TXNDC16: variants seen among roughly 807,000 people sequenced by gnomAD.
The protein encoded by TXNDC16 is thioredoxin domain-containing protein 16.
TXNDC16 carries 74 observed loss-of-function variants against 85.6 expected under a neutral mutation model. The observed-to-expected ratio is 0.86, with a 90% confidence interval of 0.72 to 1.05. The LOEUF is 1.05. TXNDC16 is among the 50% of genes least tolerant of loss of function. The pLI is 0.00. For missense variants in TXNDC16, 959 were observed against 947.0 expected, an observed-to-expected ratio of 1.01 and a Z score of -0.17; for synonymous variants, 335 against 326.5, an observed-to-expected ratio of 1.03 and a Z score of -0.28.
intron 18 of TXNDC16, among the ~76,000 whole-genome samples, chr14:52,442,902 G>T (rs954263547): frequency 6.6e-6 from 1 of 152,188 alleles, no homozygotes. Flanking sequence ...CTTTAGAAGA[G>T]AAGACAGGTA....
At chr14:52,441,131 A>T (rs1385877585) in intron 18 of TXNDC16, among the ~76,000 whole-genome samples, 1 of 152,220 alleles carries the variant, frequency 6.6e-6, no homozygotes, top group Non-Finnish European at 1.5e-5. Context: ...TTTAACATCT[A>T]TCATTACTTA....
chr14:52,479,966 G>A (rs1046943133), intron 14 of TXNDC16, among the ~76,000 whole-genome samples: 6 of 152,104 alleles, frequency 3.9e-5, no homozygotes, highest in African/African-American at 1.4e-4. Context: ...ATAAAAATTG[G>A]CACATAGACC....
At chr14:52,486,456 T>C (rs1161477384) in intron 12 of TXNDC16, among the ~76,000 whole-genome samples, 2 of 152,062 alleles carry the variant, frequency 1.3e-5, no homozygotes, top group African/African-American at 4.8e-5. Context: ...CTAATTTTTG[T>C]ATTTTTTGTA....
intron 18 of TXNDC16, among the ~76,000 whole-genome samples, chr14:52,442,337 C>G (rs143641239): frequency 1.5e-4 from 23 of 152,270 alleles, no homozygotes; most frequent in Non-Finnish European, 2.9e-4. Context: ...AACACAGAGA[C>G]TAACTTGCTT....
intron 6 of TXNDC16, among the ~76,000 whole-genome samples, chr14:52,529,437 C>G (rs565277081): frequency 3.3e-5 from 5 of 149,298 alleles, no homozygotes; most frequent in African/African-American, 1.2e-4. Flanking sequence ...CAAACCTGCA[C>G]GTTGTGCACA....
intron 18 of TXNDC16, among the ~76,000 whole-genome samples, chr14:52,445,246 AAT>A (rs1316480109): frequency 1.3e-5 from 2 of 152,206 alleles, no homozygotes; most frequent in Non-Finnish European, 2.9e-5. Context: ...TAATAACATA[AAT>A]GTTACTTTAA....
intron 16 of TXNDC16, among the ~76,000 whole-genome samples, chr14:52,466,635 G>C (rs1307268295): frequency 6.6e-6 from 1 of 152,036 alleles, no homozygotes; most frequent in Non-Finnish European, 1.5e-5. Flanking sequence ...GGGAGGCCGA[G>C]ATAGGCGGAT....
intron 18 of TXNDC16, among the ~76,000 whole-genome samples, chr14:52,444,053 G>A (rs2035225188): frequency 6.6e-6 from 1 of 152,136 alleles, no homozygotes; most frequent in Non-Finnish European, 1.5e-5. Context: ...TGGTCAGATG[G>A]ACAAAAGAGG....
intron 14 of TXNDC16, among the ~76,000 whole-genome samples, chr14:52,473,531 G>A (rs1594708284): frequency 6.6e-6 from 1 of 152,004 alleles, no homozygotes; most frequent in Non-Finnish European, 1.5e-5. Context: ...AACCAGAAAA[G>A]TAATACTGAT....
At chr14:52,499,278 A>G (rs750136281) in intron 9 of TXNDC16, among the ~76,000 whole-genome samples, 4 of 152,200 alleles carry the variant, frequency 2.6e-5, no homozygotes, top group Non-Finnish European at 5.9e-5. Flanking sequence ...TTTCTTGGAT[A>G]TGACAACAAA....
intron 18 of TXNDC16, among the ~76,000 whole-genome samples, chr14:52,454,461 T>C (rs1030867575): frequency 1.3e-5 from 2 of 148,480 alleles, no homozygotes; most frequent in Admixed American, 1.3e-4. Context: ...ATGTAACCCA[T>C]AAATATATTC....
At chr14:52,517,444 C>A (rs2037110124) in intron 7 of TXNDC16, among the ~76,000 whole-genome samples, 1 of 152,052 alleles carries the variant, frequency 6.6e-6, no homozygotes, top group African/African-American at 2.4e-5. Flanking sequence ...ATAGCTCTCT[C>A]AACTCTTCCC....
In TXNDC16 at chr14:52,431,578, T is replaced by A. The variant is rs2034896007; in HGVS notation, c.*726A>T. 6.6e-6 allele frequency: 1 copy of A among 152,198 alleles called. No homozygotes were observed. Among genetic ancestry groups the A allele is most frequent in the South Asian group, 2.1e-4 (1 of 4,828 alleles). The allele number at this position is 152,198 out of a possible 1,614,324, so 9.4% of individuals were successfully genotyped here. A position where few individuals can be genotyped will look rare whatever the true frequency, so the allele number is the denominator to read the frequency against. On this transcript the variant is annotated 3_prime_UTR_variant, in exon 21 of 21. Transcript: ENST00000281741. Reference sequence around the variant, plus strand: ...GCCACAGGTTACTTTTAACACAAGGTTACTCAGCCTTGGCACGACTACCAT... The same window carrying A: ...GCCACAGGTTACTTTTAACACAAGGATACTCAGCCTTGGCACGACTACCAT...
intron 18 of TXNDC16, among the ~76,000 whole-genome samples, chr14:52,441,750 A>G (rs1307835426): frequency 6.6e-6 from 1 of 152,174 alleles, no homozygotes; most frequent in East Asian, 1.9e-4. Flanking sequence ...TTTTCATGGA[A>G]CCTTCAGAGG....
chr14:52,470,275 T>A (rs905677989), intron 15 of TXNDC16, 102 bp from the exon 16 acceptor site: 1 of 956,012 alleles, frequency 1.0e-6, no homozygotes, highest in African/African-American at 1.7e-5. Context: ...TTACATAGGA[T>A]AATATCTTAC....
rs1484869677 is a variant in TXNDC16, at chr14:52,467,569, G to A, written c.1618+2468C>T. Among the ~76,000 whole-genome samples the A allele has an allele frequency of 2.6e-5, 4 of 152,216 alleles. No individual in the cohort carries two copies. In the South Asian group the frequency reaches 8.3e-4, roughly 32 times the overall value. On this transcript the variant is annotated intron_variant, in intron 16 of 20. Coordinates refer to ENST00000281741, the MANE Select transcript of TXNDC16 (RefSeq NM_020784.3). ...GATATCACCTCACACCCATTAAGAT[G>A]GCTATCATAAAAAATAAAATAAAAT...
intron 18 of TXNDC16, among the ~76,000 whole-genome samples, chr14:52,451,061 C>G (rs1594688245): frequency 6.6e-6 from 1 of 151,646 alleles, no homozygotes; most frequent in East Asian, 1.9e-4. Flanking sequence ...TAAGTGTAAG[C>G]TAAGCTATGA....
At chr14:52,490,235 CAT>C (rs2036368581) in intron 11 of TXNDC16, among the ~76,000 whole-genome samples, 154 bp downstream of exon 11, 1 of 152,146 alleles carries the variant, frequency 6.6e-6, no homozygotes. Flanking sequence ...CAGACTGACA[CAT>C]GATAAAAACA....
At chr14:52,536,016 T>C (rs2037691949) in intron 6 of TXNDC16, among the ~76,000 whole-genome samples, 1 of 151,488 alleles carries the variant, frequency 6.6e-6, no homozygotes, top group Non-Finnish European at 1.5e-5. Context: ...AAAGTGAGAC[T>C]CCATCTCAAA....
Sources: allele counts gnomAD v4.1 joint callset (sites outside exome capture counted in the v4.1 genomes callset), GRCh38; gene constraint gnomAD v4.1.1; transcripts MANE v1.5; gene names NCBI Gene and HGNC (gene_info 2026-07-23, HGNC 2026-07-21).